RBM12: variants seen among roughly 807,000 people sequenced by gnomAD.
RBM12 encodes RNA-binding protein 12.
A neutral mutation model predicts 37.2 loss-of-function variants in RBM12; 24 were observed. That is an observed-to-expected ratio of 0.65 (90% confidence interval 0.47 to 0.91). The LOEUF (loss-of-function observed/expected upper bound fraction) is 0.91. RBM12 is among the 40% of genes least tolerant of loss of function. The probability of loss-of-function intolerance (pLI) is 0.00; values close to 1 mark genes in which losing one functional copy is unlikely to be tolerated. For synonymous variants in RBM12, 420 were observed against 425.2 expected (o/e 0.99, Z 0.15); for missense variants, 1,061 against 1,183.2 (o/e 0.90, Z 1.52).
intron 1 of RBM12, among the ~76,000 whole-genome samples, chr20:35,662,520 A>G (rs1362650713): frequency 4.6e-5 from 7 of 152,230 alleles, no homozygotes; most frequent in African/African-American, 1.7e-4. Context: ...GCCAGACAAA[A>G]GATATAAAAG....
At position 35,654,809 on chromosome 20, in the gene RBM12, T is replaced by C. The variant is rs753366402; in HGVS notation, c.514A>G (p.Ser172Gly). Residue 172 changes from serine to glycine, a missense_variant, in exon 3 of 3, where the codon AGC (serine) becomes GGC (glycine). By Grantham distance (56) the Ser-to-Gly change is moderately conservative. Transcript: ENST00000374114. The part of the protein sequence containing the change: ...MGASFGSPTF[S>G]STVPSTASPM... Reference sequence around the variant, plus strand: ...GAGGCTGTGCTTGGAACAGTTGAGCTAAACGTTGGGCTCCCAAAGGAAGCC... The same window carrying C: ...GAGGCTGTGCTTGGAACAGTTGAGCCAAACGTTGGGCTCCCAAAGGAAGCC... The C allele has an allele frequency of 1.2e-6, 2 of 1,614,080 alleles. No homozygotes were observed. The highest frequency in any genetic ancestry group is 3.3e-5 in the Admixed American group (2 of 60,008).
chr20:35,654,638 C>G lies in RBM12; in HGVS notation c.685G>C (p.Val229Leu). The change falls in exon 3 of 3, where the codon GTT becomes CTT. Residue 229 changes from valine to leucine, a missense_variant. Transcript: ENST00000374114. ...PVPPVPPIPP[V>L]PSVPPMTPLP... ...GGGGTCATGGGTGGCACAGAAGGAA[C>G]TGGGGGAATCGGGGGCACAGGAGGC... 1.2e-6 allele frequency: 2 copies of G among 1,614,068 alleles called. No individual in the cohort carries two copies. The highest frequency in any genetic ancestry group is 1.7e-6 in the Non-Finnish European group (2 of 1,179,998).
At chr20:35,658,858 T>A in intron 2 of RBM12, 72 bp downstream of exon 2, 1 of 699,318 alleles carries the variant, frequency 1.4e-6, no homozygotes, top group South Asian at 1.5e-5. Context: ...GCTACATATA[T>A]TTTCATATTT....
At position 35,653,386 on chromosome 20, in the gene RBM12, T is replaced by C. The variant is rs1415942455; in HGVS notation, c.1937A>G (p.Asn646Ser). ...KKGLKMPVPG[N>S]PAVPGMPNAG... The stretch of plus-strand genomic sequence containing the variant: ...ATTGGGCATTCCTGGAACTGCAGGA[T>C]TACCTGGCACAGGCATCTTTAATCC... Residue 646 changes from asparagine (N) to serine (S), a missense_variant, in exon 3 of 3, where the codon AAT becomes AGT. By Grantham distance (46) the Asn-to-Ser change is conservative. Transcript: ENST00000374114. 3.7e-6 allele frequency: 6 copies of C among 1,614,040 alleles called. No individual in the cohort carries two copies. The highest frequency in any genetic ancestry group is 5.1e-6 in the Non-Finnish European group (6 of 1,180,004).
Position 35,650,542 on chromosome 20 carries a change from TAAATTA to T in RBM12, c.*1976_*1981del, listed in dbSNP as rs2033430173. ...GAGAAATGATTACTTAACATTAACT[TAAATTA>T]AACAGCATATACAAACGTTATATTG... On this transcript the variant is annotated 3_prime_UTR_variant, in exon 3 of 3. Coordinates refer to ENST00000374114, the MANE Select transcript of RBM12 (RefSeq NM_006047.6). The T allele has an allele frequency of 6.6e-6, 1 of 150,386 alleles. No individual in the cohort carries two copies. Among genetic ancestry groups the T allele is most frequent in the African/African-American group, 2.4e-5 (1 of 41,300 alleles). 9.3% of individuals were successfully genotyped at this position (150,386 alleles called of 1,614,324 possible). A position where few individuals can be genotyped will look rare whatever the true frequency, so the allele number is the denominator to read the frequency against.
Position 35,653,990 on chromosome 20 carries a change from GT to G in RBM12, c.1332del (p.Lys444AsnfsTer19). The G allele has an allele frequency of 6.2e-7, 1 of 1,614,114 alleles. No individual in the cohort carries two copies. The highest frequency in any genetic ancestry group is 8.5e-7 in the Non-Finnish European group (1 of 1,180,032). On this transcript the variant is annotated frameshift_variant, in exon 3 of 3. Transcript: ENST00000374114. LOFTEE classifies it high-confidence loss of function. ...LKGLPFEAEN[K>X]HVIDFFKKLD... ...AGCTTTTTAAAAAAATCAATGACAT[GT>G]TTGTTTTCTGCTTCAAATGGTAGCC...
At position 35,653,223 on chromosome 20, in the gene RBM12, T is replaced by G. The variant is rs1016477529; in HGVS notation, c.2100A>C (p.Ala700=). The part of the protein sequence containing the change: ...AGMPSAGIPS[A]GGEEHAFLTV... ...TCAGGAAGGCATGCTCTTCACCTCC[T>G]GCACTAGGTATTCCTGCACTGGGCA... Residue 700 remains alanine, a synonymous_variant, in exon 3 of 3, where the codon GCA becomes GCC. Coordinates refer to ENST00000374114, the MANE Select transcript of RBM12 (RefSeq NM_006047.6). The G allele has an allele frequency of 1.9e-6, 3 of 1,613,590 alleles. No homozygotes were observed. Among genetic ancestry groups the G allele is most frequent in the Non-Finnish European group, 2.5e-6 (3 of 1,179,952 alleles).
chr20:35,655,275 G>A lies in RBM12; in HGVS notation c.48C>T (p.Thr16=), dbSNP rs868572471. The part of the protein sequence containing the change: ...RLQGLPIVAG[T]MDIRHFFSGL... ...CAGAGAAGAAGTGGCGAATGTCCAT[G>A]GTCCCCGCCACAATTGGGAGACCTT... Residue 16 remains threonine, a synonymous_variant, in exon 3 of 3, where the codon ACC becomes ACT. Transcript: ENST00000374114. The A allele has an allele frequency of 6.2e-7, 1 of 1,609,096 alleles. No homozygotes were observed. The highest frequency in any genetic ancestry group is 8.5e-7 in the Non-Finnish European group (1 of 1,178,188).
chr20:35,662,747 A>G (rs2034302895), intron 1 of RBM12, among the ~76,000 whole-genome samples: 1 of 152,204 alleles, frequency 6.6e-6, no homozygotes, highest in African/African-American at 2.4e-5. Context: ...CAAGTTTCAC[A>G]CCTAAAGACT....
chr20:35,662,961 CAAAGT>C lies in RBM12; in HGVS notation c.-108+1794_-108+1798del, dbSNP rs548165033. Among the ~76,000 whole-genome samples, 245 of 152,310 alleles carry C rather than the reference CAAAGT, an allele frequency of 1.6e-3. 1 individual carries two copies. Among genetic ancestry groups the C allele is most frequent in the Middle Eastern group, 6.8e-3 (2 of 294 alleles). Reference sequence around the variant, plus strand: ...AAAATTATACATTACAATCCATAAGCAAAGTAATCACATTTAATCGAGCATATATA... The same window carrying C: ...AAAATTATACATTACAATCCATAAGCAATCACATTTAATCGAGCATATATA... On this transcript the variant is annotated intron_variant, in intron 1 of 2. Transcript: ENST00000374114.
chr20:35,658,186 G>A (rs1486452552), intron 2 of RBM12, among the ~76,000 whole-genome samples: 2 of 152,200 alleles, frequency 1.3e-5, no homozygotes, highest in Non-Finnish European at 2.9e-5. Context: ...TTAAACAAGA[G>A]GGTTAGATTC....
chr20:35,649,296 A>G lies in RBM12; in HGVS notation c.*3228T>C, dbSNP rs1353913743. 6.6e-6 allele frequency: 1 copy of G among 152,200 alleles called. No homozygotes were observed. Among genetic ancestry groups the G allele is most frequent in the Admixed American group, 6.5e-5 (1 of 15,276 alleles). The allele number at this position is 152,200 out of a possible 1,614,324, so 9.4% of individuals were successfully genotyped here. ...GATTTTACACTTGGCCCATACCTGT[A>G]CACAACCACAGACTCCAGTAAAAGG... On this transcript the variant is annotated 3_prime_UTR_variant, in exon 3 of 3. Coordinates refer to ENST00000374114, the MANE Select transcript of RBM12 (RefSeq NM_006047.6).
At chr20:35,660,072 A>C (rs1389884740) in intron 1 of RBM12, among the ~76,000 whole-genome samples, 1 of 152,272 alleles carries the variant, frequency 6.6e-6, no homozygotes, top group Non-Finnish European at 1.5e-5. Context: ...TTCATCGTCT[A>C]GTCAACTACT....
intron 1 of RBM12, among the ~76,000 whole-genome samples, chr20:35,660,109 T>C (rs561511410): frequency 1.3e-5 from 2 of 152,334 alleles, no homozygotes; most frequent in Non-Finnish European, 2.9e-5. Context: ...AGTGAGATGG[T>C]TTTACCACAA....
intron 2 of RBM12, among the ~76,000 whole-genome samples, chr20:35,656,079 A>G (rs1601483335): frequency 6.6e-6 from 1 of 152,234 alleles, no homozygotes; most frequent in East Asian, 1.9e-4. Flanking sequence ...ACCTTGATTC[A>G]TTACCCCCAA....
In RBM12 at chr20:35,652,852, G is replaced by C; in HGVS notation, c.2471C>G (p.Ala824Gly). ...GCCGGGGCCGGGGCCAGGCCCAAAAGCTGGTGGCCCACCCAAATGCCCAGG... is the reference window on the plus strand; with the variant it reads ...GCCGGGGCCGGGGCCAGGCCCAAAACCTGGTGGCCCACCCAAATGCCCAGG... The part of the protein sequence containing the change: ...SAPGHLGGPP[A>G]FGPGPGPGPG... The change falls in exon 3 of 3, where the codon GCT (alanine) becomes GGT (glycine). Residue 824 changes from alanine (A) to glycine (G), a missense_variant. Transcript: ENST00000374114. The C allele has an allele frequency of 1.9e-6, 3 of 1,609,144 alleles. No individual in the cohort carries two copies. The East Asian group carries it at 6.7e-5, about 36-fold the overall frequency.
chr20:35,650,235 C>A lies in RBM12; in HGVS notation c.*2289G>T, dbSNP rs117006321. 2 of 152,250 alleles carry A rather than the reference C, an allele frequency of 1.3e-5. No individual in the cohort carries two copies. The highest frequency in any genetic ancestry group is 2.4e-5 in the African/African-American group (1 of 41,414). 9.4% of individuals were successfully genotyped at this position (152,250 alleles called of 1,614,324 possible). A position where few individuals can be genotyped will look rare whatever the true frequency, so the allele number is the denominator to read the frequency against. On this transcript the variant is annotated 3_prime_UTR_variant, in exon 3 of 3. Transcript: ENST00000374114. Reference sequence around the variant, plus strand: ...AGTTCTCTCCAATTTCTACACAAACCGCTCTTTTAATTTATTTAATTAGAT... The same window carrying A: ...AGTTCTCTCCAATTTCTACACAAACAGCTCTTTTAATTTATTTAATTAGAT...
At position 35,650,207 on chromosome 20, in the gene RBM12, CAT is replaced by C. The variant is rs1291464945; in HGVS notation, c.*2315_*2316del. The C allele has an allele frequency of 1.3e-5, 2 of 152,482 alleles. No individual in the cohort carries two copies. The highest frequency in any genetic ancestry group is 4.8e-5 in the African/African-American group (2 of 41,448). The allele number at this position is 152,482 out of a possible 1,614,324, so 9.4% of individuals were successfully genotyped here. On this transcript the variant is annotated 3_prime_UTR_variant, in exon 3 of 3. Transcript: ENST00000374114. Reference sequence around the variant, plus strand: ...GAGCACTGTTGTGATTCATATAAAACATAGTTCTCTCCAATTTCTACACAAAC... The same window carrying C: ...GAGCACTGTTGTGATTCATATAAAACAGTTCTCTCCAATTTCTACACAAAC...
Position 35,653,132 on chromosome 20 carries a change from T to C in RBM12, c.2191A>G (p.Asn731Asp), listed in dbSNP as rs1165497738. 6 of 1,613,604 alleles carry C rather than the reference T, an allele frequency of 3.7e-6. No individual in the cohort carries two copies. Among genetic ancestry groups the C allele is most frequent in the East Asian group, 2.2e-5 (1 of 44,900 alleles). Residue 731 changes from asparagine (N) to aspartate (D), a missense_variant, in exon 3 of 3, where the codon AAT becomes GAT. Coordinates refer to ENST00000374114, the MANE Select transcript of RBM12 (RefSeq NM_006047.6). ...FNFPGNFGGS[N>D]AFGPPIPPPG... ...GGAGGGATTGGTGGCCCAAAGGCAT[T>C]TGATCCACCAAAATTACCAGGAAAG...
Sources: allele counts gnomAD v4.1 joint callset (sites outside exome capture counted in the v4.1 genomes callset), GRCh38; gene constraint gnomAD v4.1.1; transcripts MANE v1.5; gene names NCBI Gene and HGNC (gene_info 2026-07-23, HGNC 2026-07-21).